The following KIF4A variants were observed in gnomAD, a reference collection of about 807,000 sequenced individuals.
KIF4A encodes chromosome-associated kinesin KIF4A.
A neutral mutation model predicts 105.9 loss-of-function variants in KIF4A; 7 were observed. The ratio of observed to expected loss-of-function variants is 0.07; its 90% CI spans 0.04 to 0.12. The LOEUF (loss-of-function observed/expected upper bound fraction) is 0.12, where lower values mean the gene tolerates loss of function less well. KIF4A is among the 10% of genes least tolerant of loss of function. The pLI is 1.00. For missense variants in KIF4A, 558 were observed against 929.2 expected (o/e 0.60, Z 5.19); for synonymous variants, 281 against 331.3 (o/e 0.85, Z 1.65).
Position 70,330,469 on chromosome X carries a change from A to T in KIF4A, c.1071+137A>T, listed in dbSNP as rs576219203. On this transcript the variant is annotated intron_variant, in intron 9 of 30. Coordinates refer to ENST00000374403, the MANE Select transcript of KIF4A (RefSeq NM_012310.5). The stretch of plus-strand genomic sequence containing the variant: ...TTATGTTTGTTCGGGGACCTCTTAA[A>T]ATAACTCCTATTAACGTGTTTGCTG... 2.8e-5 allele frequency: 15 copies of T among 540,817 alleles called. No individual in the cohort carries two copies. The South Asian group carries it at 4.2e-4, about 15-fold the overall frequency. 44.6% of individuals were successfully genotyped at this position (540,817 alleles called of 1,213,427 possible).
intron 15 of KIF4A, among the ~76,000 whole-genome samples, chrX:70,372,042 G>A (rs1385007175): frequency 9.6e-6 from 1 of 104,640 alleles, no homozygotes; most frequent in Non-Finnish European, 2.0e-5. Flanking sequence ...CATCTCAGAC[G>A]ATGGGCGGCC....
chrX:70,359,112 A>T (rs748679779), intron 15 of KIF4A, among the ~76,000 whole-genome samples: 2 of 111,984 alleles, frequency 1.8e-5, no homozygotes, highest in Non-Finnish European at 3.8e-5. Context: ...GATGTCAGTT[A>T]CTGCTTATCC....
chrX:70,335,258 T>C (rs141535065), intron 10 of KIF4A, among the ~76,000 whole-genome samples: 1 of 112,184 alleles, frequency 8.9e-6, no homozygotes, highest in African/African-American at 3.2e-5. Flanking sequence ...GGGTGGACAT[T>C]GAAGATATGC....
intron 15 of KIF4A, among the ~76,000 whole-genome samples, chrX:70,370,935 C>CAAAAA: frequency 1.5e-5 from 1 of 67,532 alleles, no homozygotes; most frequent in Admixed American, 2.0e-4. Context: ...GACTCTGTCT[C>CAAAAA]AAAAAAAAAA....
chrX:70,395,804 A>C lies in KIF4A; in HGVS notation c.2366A>C (p.Glu789Ala). The C allele has an allele frequency of 8.3e-7, 1 of 1,211,836 alleles. No homozygotes were observed. The highest frequency in any genetic ancestry group is 1.1e-6 in the Non-Finnish European group (1 of 895,492). Residue 789 changes from glutamate to alanine, a missense_variant, in exon 21 of 31, where the codon GAG (glutamate) becomes GCG (alanine). Glu to Ala is a moderately radical substitution (Grantham distance 107). Coordinates refer to ENST00000374403, the MANE Select transcript of KIF4A (RefSeq NM_012310.5). ...CTCAAAGAAAAAAAGGAATCTGGGG[A>C]GAATCCACCTCCTAAACTCCGGGTA... Reference protein sequence around the residue: ...AQLKEKKESGENPPPKLRRRT... With the variant: ...AQLKEKKESGANPPPKLRRRT...
intron 29 of KIF4A, among the ~76,000 whole-genome samples, chrX:70,418,518 A>T (rs982252191): frequency 2.7e-4 from 30 of 111,482 alleles, no homozygotes; most frequent in African/African-American, 9.8e-4. Flanking sequence ...CCTTTCTAAT[A>T]GTCACTGTTG....
chrX:70,390,331 T>C (rs943490251), intron 20 of KIF4A, among the ~76,000 whole-genome samples: 3 of 111,813 alleles, frequency 2.7e-5, no homozygotes, highest in Admixed American at 9.6e-5. Context: ...CAGTACAATA[T>C]TGAATAGACT....
chrX:70,419,683 G>A lies in KIF4A; in HGVS notation c.3395G>A (p.Arg1132Gln), dbSNP rs761719985. 62 of 1,207,433 alleles carry A rather than the reference G, an allele frequency of 5.1e-5. 1 individual carries two copies. The Admixed American group carries it at 1.1e-3, about 21-fold the overall frequency. Reference sequence around the variant, plus strand: ...CAGGATAGCTTGGGCACTGTTGAACGGACCCAGGATTCCGAAGGCTCCTTC... The same window carrying A: ...CAGGATAGCTTGGGCACTGTTGAACAGACCCAGGATTCCGAAGGCTCCTTC... ...QGKDSLGTVE[R>Q]TQDSEGSFKL... is the part of the protein sequence containing the mutation. Residue 1132 changes from arginine to glutamine, a missense_variant, in exon 30 of 31, where the codon CGG becomes CAG. This residue lies in a region of KIF4A where 469 missense variants were observed against 680.4 expected (regional missense o/e 0.69). Transcript: ENST00000374403.
intron 15 of KIF4A, among the ~76,000 whole-genome samples, chrX:70,368,601 C>T (rs775094215): frequency 8.9e-6 from 1 of 111,808 alleles, no homozygotes; most frequent in East Asian, 2.8e-4. Context: ...CCTGATCGTT[C>T]CTCTGGAAAT....
intron 20 of KIF4A, among the ~76,000 whole-genome samples, chrX:70,393,813 CTTT>C (rs1254722034): frequency 2.6e-4 from 1 of 3,796 alleles, no homozygotes; most frequent in Admixed American, 5.0e-3. Flanking sequence ...TTCTTTCTTT[CTTT>C]CTTTCTTTCT....
intron 13 of KIF4A, among the ~76,000 whole-genome samples, chrX:70,345,320 C>G (rs1478886485): frequency 1.8e-5 from 2 of 110,529 alleles, no homozygotes; most frequent in Non-Finnish European, 3.8e-5. Flanking sequence ...AAAAATTAGC[C>G]AGGTGTAGTG....
chrX:70,348,026 T>TACTACA (rs2147701382), intron 13 of KIF4A, among the ~76,000 whole-genome samples: 1 of 100,534 alleles, frequency 9.9e-6, no homozygotes, highest in Admixed American at 1.1e-4. Flanking sequence ...GAATCACCAG[T>TACTACA]ACTACAAATC....
chrX:70,352,437 G>A (rs1314719552), intron 13 of KIF4A, among the ~76,000 whole-genome samples, 163 bp from the exon 14 acceptor site: 7 of 111,962 alleles, frequency 6.3e-5, no homozygotes, highest in Non-Finnish European at 1.3e-4. Flanking sequence ...TTGAGAGATG[G>A]GAAATGGAAA....
chrX:70,403,538 C>A (rs932005555), intron 23 of KIF4A, among the ~76,000 whole-genome samples: 24 of 112,743 alleles, frequency 2.1e-4, no homozygotes, highest in African/African-American at 7.1e-4. Context: ...TCTTAAATAT[C>A]AGAATTTGTA....
chrX:70,326,146 A>G (rs1221529995), intron 7 of KIF4A, among the ~76,000 whole-genome samples: 1 of 111,691 alleles, frequency 9.0e-6, no homozygotes, highest in Non-Finnish European at 1.9e-5. Flanking sequence ...TTTTCACCCT[A>G]ATTTACTCAG....
intron 3 of KIF4A, among the ~76,000 whole-genome samples, chrX:70,293,289 A>G (rs1001771210): frequency 9.8e-5 from 11 of 112,656 alleles, no homozygotes; most frequent in Non-Finnish European, 1.9e-4. Flanking sequence ...TAAATAGCAG[A>G]TAACAGCTTT....
chrX:70,372,354 T>C (rs1321624884), intron 15 of KIF4A, among the ~76,000 whole-genome samples: 2 of 112,787 alleles, frequency 1.8e-5, no homozygotes, highest in Non-Finnish European at 3.8e-5. Context: ...CTGGGCACCA[T>C]TGAGCACTGA....
intron 15 of KIF4A, among the ~76,000 whole-genome samples, chrX:70,359,015 T>C (rs1400812569): frequency 8.9e-6 from 1 of 111,920 alleles, no homozygotes; most frequent in Non-Finnish European, 1.9e-5. Flanking sequence ...AAGCCTCTGC[T>C]CTACTCTGTG....
intron 28 of KIF4A, among the ~76,000 whole-genome samples, chrX:70,414,014 G>A (rs1185605327): frequency 2.7e-5 from 3 of 110,959 alleles, no homozygotes; most frequent in Non-Finnish European, 5.7e-5. Context: ...CAGGGGATGG[G>A]TAGTCAAGGG....
Sources: gnomAD v4.1 joint callset for allele counts (sites outside exome capture counted in the v4.1 genomes callset) on GRCh38, gnomAD v4.1.1 for gene constraint, gnomAD v4.1.1 regional missense constraint, MANE v1.5 for transcripts, NCBI Gene and HGNC (gene_info 2026-07-23, HGNC 2026-07-21) for gene names.